The following CCSER1 variants were observed in gnomAD, a reference collection of about 807,000 sequenced individuals.
The protein encoded by CCSER1 is coiled-coil serine rich protein 1.
In CCSER1, 41 loss-of-function variants were observed where a neutral mutation model predicts 82.0. The observed-to-expected ratio is 0.50, with a 90% confidence interval of 0.39 to 0.65. The LOEUF is 0.65. CCSER1 is among the 30% of genes least tolerant of loss of function. The pLI is 0.00. For synonymous variants in CCSER1, 414 were observed against 383.9 expected (o/e 1.08, Z -0.92); for missense variants, 1,119 against 1,064.2 (o/e 1.05, Z -0.72).
At chr4:90,212,260 A>C (rs1252537759) in intron 1 of CCSER1, among the ~76,000 whole-genome samples, 2 of 152,166 alleles carry the variant, frequency 1.3e-5, no homozygotes, top group Non-Finnish European at 2.9e-5. Flanking sequence ...TCATGTATGT[A>C]TATATATCTC....
intron 9 of CCSER1, among the ~76,000 whole-genome samples, chr4:91,026,355 C>T (rs146358814): frequency 2.3e-3 from 355 of 152,048 alleles, no homozygotes; most frequent in African/African-American, 7.1e-3. Context: ...AGTAATCAGA[C>T]GTATTTGGCC....
chr4:91,356,568 G>A (rs1026596088), intron 10 of CCSER1, among the ~76,000 whole-genome samples: 1 of 152,122 alleles, frequency 6.6e-6, no homozygotes, highest in Non-Finnish European at 1.5e-5. Context: ...AAATGCCAGG[G>A]TGAAATGGAT....
intron 7 of CCSER1, among the ~76,000 whole-genome samples, chr4:90,776,825 A>C (rs1396889412): frequency 1.3e-5 from 2 of 152,172 alleles, no homozygotes; most frequent in Non-Finnish European, 2.9e-5. Flanking sequence ...ACAAAGTTTT[A>C]AAAATTCTGT....
chr4:91,515,711 T>TG (rs1454492018), intron 10 of CCSER1, among the ~76,000 whole-genome samples: 1 of 152,182 alleles, frequency 6.6e-6, no homozygotes, highest in Non-Finnish European at 1.5e-5. Context: ...CTTTTGGATA[T>TG]ATACCCACTA....
chr4:91,411,509 T>TATATATATATATATATATATATAG (rs1753039172), intron 10 of CCSER1, among the ~76,000 whole-genome samples: 1 of 68,582 alleles, frequency 1.5e-5, no homozygotes, highest in African/African-American at 4.7e-5. Context: ...TATATATATA[T>TATATATATATATATATATATATAG]ATATATATAT....
At chr4:91,447,820 CTTAT>C (rs1235875471) in intron 10 of CCSER1, among the ~76,000 whole-genome samples, 3 of 152,138 alleles carry the variant, frequency 2.0e-5, no homozygotes, top group East Asian at 3.9e-4. Context: ...GTGAAATATA[CTTAT>C]TTGTCTACAT....
At chr4:90,261,387 G>A (rs757163634) in intron 1 of CCSER1, among the ~76,000 whole-genome samples, 16 of 152,210 alleles carry the variant, frequency 1.1e-4, no homozygotes, top group South Asian at 2.1e-4. Context: ...AAAAATCTTG[G>A]CTGACAATTG....
intron 3 of CCSER1, among the ~76,000 whole-genome samples, chr4:90,319,651 A>G (rs1341838938): frequency 1.3e-5 from 2 of 150,770 alleles, no homozygotes; most frequent in Non-Finnish European, 3.0e-5. Context: ...GACTCTCTCA[A>G]AAAAAAGCAA....
At chr4:90,803,420 T>A (rs537878414) in intron 7 of CCSER1, among the ~76,000 whole-genome samples, 2 of 152,240 alleles carry the variant, frequency 1.3e-5, no homozygotes, top group South Asian at 4.1e-4. Context: ...GTCCATGTGT[T>A]CTCATTGTTA....
chr4:90,385,981 C>T (rs1486342163), intron 3 of CCSER1, among the ~76,000 whole-genome samples: 1 of 151,842 alleles, frequency 6.6e-6, no homozygotes, highest in Non-Finnish European at 1.5e-5. Context: ...AGAAGAACTC[C>T]AAAACACTGA....
intron 10 of CCSER1, among the ~76,000 whole-genome samples, chr4:91,104,577 A>T (rs1015784251): frequency 6.6e-6 from 1 of 152,216 alleles, no homozygotes. Flanking sequence ...TGTTCAAAAT[A>T]ATAGCTTTAA....
chr4:91,568,067 C>T (rs1484625804), intron 10 of CCSER1, among the ~76,000 whole-genome samples: 2 of 151,986 alleles, frequency 1.3e-5, no homozygotes, highest in Non-Finnish European at 2.9e-5. Context: ...TCAAGATTTG[C>T]TTATCTGAAA....
intron 8 of CCSER1, among the ~76,000 whole-genome samples, chr4:90,884,958 T>C (rs1337989987): frequency 6.6e-6 from 1 of 152,204 alleles, no homozygotes; most frequent in African/African-American, 2.4e-5. Flanking sequence ...ATTTGTATGA[T>C]CTTTGTCCTT....
chr4:90,467,575 C>A (rs764722620), intron 4 of CCSER1, among the ~76,000 whole-genome samples: 14 of 149,606 alleles, frequency 9.4e-5, no homozygotes, highest in Non-Finnish European at 1.3e-4. Flanking sequence ...CCTAGCTACT[C>A]GGGAGGCTGA....
chr4:91,439,662 G>C (rs1365663115), intron 10 of CCSER1, among the ~76,000 whole-genome samples: 1 of 151,994 alleles, frequency 6.6e-6, no homozygotes, highest in Non-Finnish European at 1.5e-5. Flanking sequence ...AAAAGACACA[G>C]ACTGGCAAAT....
At chr4:90,729,653 A>G (rs996923160) in intron 7 of CCSER1, among the ~76,000 whole-genome samples, 7 of 152,160 alleles carry the variant, frequency 4.6e-5, no homozygotes, top group African/African-American at 1.2e-4. Flanking sequence ...AGGCGGTTGG[A>G]TCACAAGGTC....
At chr4:90,914,285 G>A (rs2085092) in intron 8 of CCSER1, among the ~76,000 whole-genome samples, 81,545 of 151,968 alleles carry the variant, frequency 0.54, 23,609 homozygotes, top group African/African-American at 0.77. Flanking sequence ...AGAAATTATA[G>A]CAAACTATCT....
chr4:90,627,881 A>G, intron 5 of CCSER1, 144 bp from the exon 6 acceptor site: 1 of 649,876 alleles, frequency 1.5e-6, no homozygotes, highest in South Asian at 2.0e-5. Context: ...ATCTCAAAAA[A>G]TAAATAAATA....
chr4:90,716,161 T>A (rs1580116835), intron 6 of CCSER1, among the ~76,000 whole-genome samples: 1 of 151,926 alleles, frequency 6.6e-6, no homozygotes, highest in East Asian at 1.9e-4. Context: ...GGTTATATAA[T>A]ACATTGCTAA....
Sources: gnomAD v4.1 joint callset for allele counts (sites outside exome capture counted in the v4.1 genomes callset) on GRCh38, gnomAD v4.1.1 for gene constraint, MANE v1.5 for transcripts, NCBI Gene and HGNC (gene_info 2026-07-23, HGNC 2026-07-21) for gene names.